Variants in PPP1R16B observed in about 807,000 individuals in gnomAD.
PPP1R16B encodes the protein protein phosphatase 1 regulatory inhibitor subunit 16B.
A neutral mutation model predicts 61.7 loss-of-function variants in PPP1R16B; 14 were observed. The ratio of observed to expected loss-of-function variants is 0.23; its 90% CI spans 0.15 to 0.35. The LOEUF is 0.35. Among genes scored for constraint, PPP1R16B ranks in the 10% least tolerant of loss-of-function variants. The probability of loss-of-function intolerance (pLI) is 1.00; values close to 1 mark genes in which losing one functional copy is unlikely to be tolerated. For missense variants in PPP1R16B, 547 were observed against 752.5 expected (o/e 0.73, Z 3.19); for synonymous variants, 266 against 305.3 (o/e 0.87, Z 1.34).
chr20:38,821,998 T>TTA lies in PPP1R16B; in HGVS notation c.-101-13827_-101-13826insTA, dbSNP rs1236892288. On this transcript the variant is annotated intron_variant, in intron 1 of 10. Coordinates refer to ENST00000299824, the MANE Select transcript of PPP1R16B (RefSeq NM_015568.4). ...TTCCTCAGAAATATATATATATTAA[T>TTA]ATATATAATATATATTATATTTACA... is the stretch of plus-strand genomic sequence containing the variant. 1.6e-3 allele frequency among the ~76,000 whole-genome samples: 232 copies of TTA among 142,424 alleles called. 2 individuals are homozygous for TTA. In the East Asian group the frequency reaches 0.03, roughly 18 times the overall value. 93.4% of individuals were successfully genotyped at this position (142,424 alleles called of 152,430 possible).
intron 1 of PPP1R16B, among the ~76,000 whole-genome samples, chr20:38,816,980 C>G (rs1438156960): frequency 1.3e-5 from 2 of 152,206 alleles, no homozygotes; most frequent in African/African-American, 4.8e-5. Context: ...CATGGCAGAA[C>G]AGAAATTCTT....
At chr20:38,837,535 CTTT>C (rs537975549) in intron 2 of PPP1R16B, among the ~76,000 whole-genome samples, 1 of 138,260 alleles carries the variant, frequency 7.2e-6, no homozygotes, top group Non-Finnish European at 1.6e-5. Flanking sequence ...AGATTTTTTT[CTTT>C]TTTTTTTTTC....
intron 1 of PPP1R16B, among the ~76,000 whole-genome samples, chr20:38,809,101 A>G (rs2084682035): frequency 6.6e-6 from 1 of 152,040 alleles, no homozygotes; most frequent in South Asian, 2.1e-4. Flanking sequence ...GGAAATGATC[A>G]TTGTCACCAT....
At chr20:38,877,511 C>G (rs917750044) in intron 2 of PPP1R16B, among the ~76,000 whole-genome samples, 2 of 152,026 alleles carry the variant, frequency 1.3e-5, no homozygotes, top group African/African-American at 4.8e-5. Context: ...GGGGTTTCAC[C>G]ATGTTGGCCA....
intron 2 of PPP1R16B, among the ~76,000 whole-genome samples, chr20:38,862,587 C>A (rs1428810343): frequency 1.3e-5 from 2 of 152,202 alleles, no homozygotes. Flanking sequence ...CACTGTCTGA[C>A]CCTTTGTCCA....
intron 2 of PPP1R16B, among the ~76,000 whole-genome samples, chr20:38,877,543 G>A (rs555473142): frequency 4.1e-4 from 63 of 151,946 alleles, no homozygotes; most frequent in Non-Finnish European, 6.3e-4. Context: ...AAATCCTGAC[G>A]TCAGGTGATC....
At chr20:38,841,782 CT>C (rs1568659193) in intron 2 of PPP1R16B, among the ~76,000 whole-genome samples, 1 of 152,196 alleles carries the variant, frequency 6.6e-6, no homozygotes, top group East Asian at 1.9e-4. Flanking sequence ...TTTCATTGCC[CT>C]GTAGTATTCC....
intron 2 of PPP1R16B, 73 bp from the exon 3 acceptor site, chr20:38,889,522 C>A (rs1264964593): frequency 7.4e-7 from 1 of 1,349,342 alleles, no homozygotes; most frequent in Non-Finnish European, 1.1e-6. Flanking sequence ...GAGAGCGGGT[C>A]TTACCCGGGC....
At chr20:38,839,634 T>A (rs939961814) in intron 2 of PPP1R16B, among the ~76,000 whole-genome samples, 3 of 152,240 alleles carry the variant, frequency 2.0e-5, no homozygotes, top group African/African-American at 7.2e-5. Context: ...GTTTCTTTTT[T>A]AAAAAGTTTT....
At chr20:38,858,844 A>G (rs2085026889) in intron 2 of PPP1R16B, among the ~76,000 whole-genome samples, 1 of 152,228 alleles carries the variant, frequency 6.6e-6, no homozygotes, top group Non-Finnish European at 1.5e-5. Context: ...CACATGGGTC[A>G]GGGGTTCAGA....
intron 1 of PPP1R16B, among the ~76,000 whole-genome samples, chr20:38,823,014 A>C (rs1316606178): frequency 6.6e-6 from 1 of 152,180 alleles, no homozygotes; most frequent in Admixed American, 6.5e-5. Flanking sequence ...AACCGGTGAG[A>C]GGGAAGCGGA....
At chr20:38,821,192 T>C (rs1261360389) in intron 1 of PPP1R16B, among the ~76,000 whole-genome samples, 57 of 152,172 alleles carry the variant, frequency 3.7e-4, no homozygotes, top group Admixed American at 3.7e-3. Context: ...AGAGTAGAAC[T>C]GGGGAAAGAG....
At chr20:38,905,114 A>G (rs770003175) in intron 6 of PPP1R16B, among the ~76,000 whole-genome samples, 1 of 152,238 alleles carries the variant, frequency 6.6e-6, no homozygotes, top group Non-Finnish European at 1.5e-5. Context: ...TTGCTGCATA[A>G]CAAACTACCC....
intron 1 of PPP1R16B, among the ~76,000 whole-genome samples, chr20:38,825,019 T>C (rs2084797071): frequency 6.6e-6 from 1 of 152,218 alleles, no homozygotes; most frequent in Non-Finnish European, 1.5e-5. Flanking sequence ...ACCAACTACT[T>C]CCTAACTGGC....
In PPP1R16B at chr20:38,900,498, C is replaced by A. The variant is rs2085382984; in HGVS notation, c.468-83C>A. 3 of 1,029,886 alleles carry A rather than the reference C, an allele frequency of 2.9e-6. No homozygotes were observed. The Admixed American group carries it at 7.4e-5, about 25-fold the overall frequency. 63.8% of individuals were successfully genotyped at this position (1,029,886 alleles called of 1,614,324 possible). ...AGTGCCGGGTTGTACAGTAGGATTG[C>A]AGGCGAGAGGCCAGAGGGCAGAGGC... On this transcript the variant is annotated intron_variant, in intron 4 of 10. Transcript: ENST00000299824.
Position 38,807,022 on chromosome 20 carries a change from C to T in PPP1R16B, c.-102+1230C>T, listed in dbSNP as rs189057467. ...AAGAGCCCCCCAGCTCTCCGCGGCTCTGGACACCAGGTGCCGCCTCTGAAT... is the reference window on the plus strand; with the variant it reads ...AAGAGCCCCCCAGCTCTCCGCGGCTTTGGACACCAGGTGCCGCCTCTGAAT... On this transcript the variant is annotated intron_variant, in intron 1 of 10. Coordinates refer to ENST00000299824, the MANE Select transcript of PPP1R16B (RefSeq NM_015568.4). Among the ~76,000 whole-genome samples, 1,321 of 152,334 alleles carry T rather than the reference C, an allele frequency of 8.7e-3. 11 individuals are homozygous for T. The highest frequency in any genetic ancestry group is 0.02 in the Middle Eastern group (6 of 294).
intron 2 of PPP1R16B, among the ~76,000 whole-genome samples, chr20:38,863,156 C>G (rs1601267178): frequency 6.6e-6 from 1 of 152,260 alleles, no homozygotes; most frequent in Non-Finnish European, 1.5e-5. Flanking sequence ...GCCTGCCTCC[C>G]TGGATGCAAG....
rs188370188 is a variant in PPP1R16B, at chr20:38,922,810, A to T, written c.*4144A>T. ...AGTCTAATATATTTAAAACTTTTTT[A>T]AAAAAAATCTTCGCAGATCTTTGAT... is the stretch of plus-strand genomic sequence containing the variant. On this transcript the variant is annotated 3_prime_UTR_variant, in exon 11 of 11. Transcript: ENST00000299824. 878 of 152,602 alleles carry T rather than the reference A, an allele frequency of 5.8e-3. 4 individuals carry two copies. Among genetic ancestry groups the T allele is most frequent in the African/African-American group, 0.018 (728 of 41,524 alleles). 9.5% of individuals were successfully genotyped at this position (152,602 alleles called of 1,614,324 possible). A position where few individuals can be genotyped will look rare whatever the true frequency, so the allele number is the denominator to read the frequency against.
At chr20:38,813,451 A>G (rs2084714255) in intron 1 of PPP1R16B, among the ~76,000 whole-genome samples, 2 of 152,190 alleles carry the variant, frequency 1.3e-5, no homozygotes, top group South Asian at 4.2e-4. Flanking sequence ...ATTCACAGCC[A>G]GACTGATGGA....
Sources: allele counts gnomAD v4.1 joint callset (sites outside exome capture counted in the v4.1 genomes callset), GRCh38; gene constraint gnomAD v4.1.1; transcripts MANE v1.5; gene names NCBI Gene and HGNC (gene_info 2026-07-23, HGNC 2026-07-21).